The following WDPCP variants were observed in gnomAD, a reference collection of about 807,000 sequenced individuals.
WDPCP encodes WD repeat-containing and planar cell polarity effector protein fritz homolog.
In WDPCP, 71 loss-of-function variants were observed where a neutral mutation model predicts 93.1. That is an observed-to-expected ratio of 0.76 (90% CI 0.63 to 0.93). The LOEUF (loss-of-function observed/expected upper bound fraction) is 0.93, where lower values mean the gene tolerates loss of function less well. WDPCP is among the 40% of genes least tolerant of loss of function. WDPCP has a pLI of 0.00. For synonymous variants in WDPCP, 315 were observed against 315.0 expected (o/e 1.00, Z 0.00); for missense variants, 844 against 887.4 (o/e 0.95, Z 0.62).
In WDPCP at chr2:63,531,068, G is replaced by A. The variant is rs546766933; in HGVS notation, c.76-38128C>T. 2.3e-4 allele frequency among the ~76,000 whole-genome samples: 35 copies of A among 152,360 alleles called. No homozygotes were observed. In the South Asian group the frequency reaches 6.0e-3, roughly 26 times the overall value. ...CCACGCCTGGCTCGCCAGGTCCCAC[G>A]CCCACGGCGCCTTGCTCACTGCTAG... On this transcript the variant is annotated intron_variant, in intron 1 of 17. Transcript: ENST00000272321.
At chr2:63,592,015 C>G (rs1029405632), upstream of WDPCP, among the ~76,000 whole-genome samples, 16 of 152,202 alleles carry the variant, frequency 1.1e-4, no homozygotes, top group African/African-American at 3.9e-4. Flanking sequence ...CACAGAAAGT[C>G]TGGCTCCAGA....
upstream of WDPCP, among the ~76,000 whole-genome samples, chr2:63,832,185 G>A (rs1037257591): frequency 6.6e-6 from 1 of 152,212 alleles, no homozygotes; most frequent in African/African-American, 2.4e-5. Flanking sequence ...AACGCATCTG[G>A]CAGCCTGTTT....
chr2:63,813,260 C>G (rs1291162673), intron 2 of WDPCP, among the ~76,000 whole-genome samples: 1 of 152,082 alleles, frequency 6.6e-6, no homozygotes, highest in Non-Finnish European at 1.5e-5. Flanking sequence ...AATAGCAGTG[C>G]CATTTACCAA....
intron 2 of WDPCP, among the ~76,000 whole-genome samples, chr2:63,712,142 C>T (rs374066620): frequency 1.3e-5 from 2 of 152,266 alleles, no homozygotes; most frequent in South Asian, 2.1e-4. Context: ...ATATGAGCTT[C>T]GCACATTTAC....
chr2:63,268,322 G>C (rs1160132766), intron 13 of WDPCP, among the ~76,000 whole-genome samples: 1 of 152,142 alleles, frequency 6.6e-6, no homozygotes, highest in Non-Finnish European at 1.5e-5. Flanking sequence ...GGAGGTGATA[G>C]TGGTGGGGAA....
chr2:63,512,529 G>T (rs1285946283), intron 1 of WDPCP, among the ~76,000 whole-genome samples: 2 of 152,102 alleles, frequency 1.3e-5, no homozygotes, highest in Non-Finnish European at 2.9e-5. Flanking sequence ...AAGAAAATGT[G>T]GCACATATAT....
chr2:63,614,817 T>A (rs1304666268), intron 3 of WDPCP, among the ~76,000 whole-genome samples: 1 of 152,176 alleles, frequency 6.6e-6, no homozygotes, highest in Non-Finnish European at 1.5e-5. Flanking sequence ...CAGACAGGCC[T>A]TGCTAGGTTT....
At chr2:63,437,240 A>G (rs1052253361) in intron 8 of WDPCP, among the ~76,000 whole-genome samples, 181 bp downstream of exon 8, 15 of 152,036 alleles carry the variant, frequency 9.9e-5, no homozygotes, top group Non-Finnish European at 2.1e-4. Flanking sequence ...CCCCATAGTG[A>G]GAGTATAAAA....
chr2:63,790,093 T>C (rs1670525168), intron 2 of WDPCP, among the ~76,000 whole-genome samples: 1 of 152,176 alleles, frequency 6.6e-6, no homozygotes, highest in African/African-American at 2.4e-5. Flanking sequence ...AAGTCAAATC[T>C]AGATATGGGG....
intron 15 of WDPCP, among the ~76,000 whole-genome samples, chr2:63,172,892 T>C (rs1673504431): frequency 6.6e-6 from 1 of 151,852 alleles, no homozygotes; most frequent in Non-Finnish European, 1.5e-5. Flanking sequence ...CATTTGGGTG[T>C]GAAGGAAGAA....
intron 13 of WDPCP, among the ~76,000 whole-genome samples, chr2:63,302,040 A>G (rs1229108750): frequency 3.3e-5 from 5 of 152,242 alleles, no homozygotes; most frequent in Non-Finnish European, 7.3e-5. Context: ...TAGAGAAGCA[A>G]CTTCGAAGGG....
In WDPCP at chr2:63,404,325, G is replaced by T; in HGVS notation, c.1158C>A (p.His386Gln). 1 of 1,614,124 alleles carries T rather than the reference G, an allele frequency of 6.2e-7. No individual in the cohort carries two copies. Among genetic ancestry groups the T allele is most frequent in the Non-Finnish European group, 8.5e-7 (1 of 1,180,000 alleles). Residue 386 changes from histidine (H) to glutamine (Q), a missense_variant, in exon 10 of 18, where the codon CAC becomes CAA. Physicochemically the swap from His to Gln is conservative, Grantham distance 24. Coordinates refer to ENST00000272321, the MANE Select transcript of WDPCP (RefSeq NM_015910.7). ...CAACTAGCAGAATGGCACCACTTGG[G>T]TGGCAGCTTATTAATGAAGGCAAAA... Reference protein sequence around the residue: ...TELLPSLISCHPSGAILLVGS... With the variant: ...TELLPSLISCQPSGAILLVGS...
In WDPCP at chr2:63,404,387, T is replaced by C; in HGVS notation, c.1096A>G (p.Thr366Ala). Residue 366 changes from threonine (T) to alanine (A), a missense_variant, in exon 10 of 18, where the codon ACT (threonine) becomes GCT (alanine). Coordinates refer to ENST00000272321, the MANE Select transcript of WDPCP (RefSeq NM_015910.7). ...CEDSSLILYE[T>A]HRRVTLLAQT... ...GCTAAGAGAGTCACTCTACGGTGAG[T>C]TTCATAAAGAATTAGCGAAGAATCT... 1 of 1,614,102 alleles carries C rather than the reference T, an allele frequency of 6.2e-7. No homozygotes were observed. Among genetic ancestry groups the C allele is most frequent in the Non-Finnish European group, 8.5e-7 (1 of 1,179,986 alleles).
intron 6 of WDPCP, among the ~76,000 whole-genome samples, chr2:63,468,361 T>C (rs1047674467): frequency 6.6e-6 from 1 of 152,162 alleles, no homozygotes; most frequent in Non-Finnish European, 1.5e-5. Flanking sequence ...AGGATTTCAA[T>C]TAAAGGAATG....
intron 13 of WDPCP, among the ~76,000 whole-genome samples, chr2:63,308,574 T>G (rs1410339128): frequency 6.6e-6 from 1 of 152,160 alleles, no homozygotes; most frequent in Non-Finnish European, 1.5e-5. Context: ...TAAAAAAGGA[T>G]GAGTTCATGT....
intron 2 of WDPCP, among the ~76,000 whole-genome samples, chr2:63,696,217 T>A (rs1668958967): frequency 6.6e-6 from 1 of 152,188 alleles, no homozygotes; most frequent in South Asian, 2.1e-4. Flanking sequence ...GTTTGGTTGA[T>A]GACACCTGAG....
intron 2 of WDPCP, among the ~76,000 whole-genome samples, chr2:63,489,700 CAA>C: frequency 6.6e-6 from 1 of 151,832 alleles, no homozygotes; most frequent in East Asian, 1.9e-4. Flanking sequence ...ATTTAAACAT[CAA>C]AATACATAAT....
chr2:63,383,464 G>A (rs769435079), intron 10 of WDPCP, among the ~76,000 whole-genome samples: 1 of 152,132 alleles, frequency 6.6e-6, no homozygotes, highest in African/African-American at 2.4e-5. Flanking sequence ...CCAGTAATCT[G>A]AGCACTATGG....
At chr2:63,407,993 A>G (rs1694722215) in intron 9 of WDPCP, among the ~76,000 whole-genome samples, 1 of 152,148 alleles carries the variant, frequency 6.6e-6, no homozygotes, top group South Asian at 2.1e-4. Flanking sequence ...AGAAAAAAGG[A>G]TCCCAGGCCT....
Sources: allele counts gnomAD v4.1 joint callset (sites outside exome capture counted in the v4.1 genomes callset), GRCh38; gene constraint gnomAD v4.1.1; transcripts MANE v1.5; gene names NCBI Gene and HGNC (gene_info 2026-07-23, HGNC 2026-07-21).